The following THSD7B variants were observed in gnomAD, a reference collection of about 807,000 sequenced individuals.
THSD7B encodes thrombospondin type-1 domain-containing protein 7B.
Under a neutral mutation model 213.6 loss-of-function variants are expected in THSD7B, and 138 were observed. The ratio of observed to expected loss-of-function variants is 0.65; its 90% confidence interval spans 0.56 to 0.74. The LOEUF is 0.74. Ranked by LOEUF, THSD7B falls within the 30% of genes least tolerant of loss-of-function variation. The pLI, the probability that THSD7B is intolerant of heterozygous loss-of-function variation, is 0.00. For missense variants in THSD7B, 1,931 were observed against 1,991.5 expected (o/e 0.97, Z 0.58); for synonymous variants, 742 against 687.0 (o/e 1.08, Z -1.25).
chr2:137,020,274 A>G (rs757166183), intron 2 of THSD7B, among the ~76,000 whole-genome samples: 1 of 152,150 alleles, frequency 6.6e-6, no homozygotes. Flanking sequence ...TTCTGAGGGA[A>G]GCAAGTGGAC....
At position 137,237,762 on chromosome 2, in the gene THSD7B, G is replaced by C. The variant is rs142254418; in HGVS notation, c.2150+4629G>C. ...GAAAATGTATGGAAATTGGAAATGT[G>C]ACGATGCATGAAAGGATAGACAATG... On this transcript the variant is annotated intron_variant, in intron 9 of 27. Coordinates refer to ENST00000409968, the MANE Select transcript of THSD7B (RefSeq NM_001316349.2). Among the ~76,000 whole-genome samples, 325 of 152,342 alleles carry C rather than the reference G, an allele frequency of 2.1e-3. 1 individual carries two copies. The highest frequency in any genetic ancestry group is 7.4e-3 in the African/African-American group (308 of 41,566).
intron 12 of THSD7B, among the ~76,000 whole-genome samples, chr2:137,277,429 A>C (rs1275180662): frequency 6.6e-6 from 1 of 152,082 alleles, no homozygotes; most frequent in East Asian, 1.9e-4. Flanking sequence ...GGCAAGTTGC[A>C]CTTTTAGCAT....
chr2:137,441,430 T>G (rs1687409789), intron 14 of THSD7B, among the ~76,000 whole-genome samples: 1 of 152,156 alleles, frequency 6.6e-6, no homozygotes, highest in Admixed American at 6.5e-5. Flanking sequence ...GTCTTCTTAA[T>G]TTAATTTGTG....
intron 15 of THSD7B, among the ~76,000 whole-genome samples, chr2:137,518,932 G>A (rs1022537741): frequency 1.3e-5 from 2 of 152,310 alleles, no homozygotes; most frequent in African/African-American, 4.8e-5. Context: ...CATGGAAAGG[G>A]CAGAGGTTTG....
At chr2:136,944,610 G>C (rs1320165558) in intron 2 of THSD7B, among the ~76,000 whole-genome samples, 1 of 151,764 alleles carries the variant, frequency 6.6e-6, no homozygotes, top group East Asian at 1.9e-4. Flanking sequence ...AGCTCTTCTT[G>C]TTGAATTGAT....
At chr2:137,244,984 AT>A (rs1461335637) in intron 10 of THSD7B, among the ~76,000 whole-genome samples, 1 of 152,100 alleles carries the variant, frequency 6.6e-6, no homozygotes, top group East Asian at 1.9e-4. Context: ...AGAAATTCTG[AT>A]TCAATAACTA....
intron 3 of THSD7B, among the ~76,000 whole-genome samples, chr2:137,062,861 T>C (rs1389027919): frequency 6.6e-6 from 1 of 151,916 alleles, no homozygotes; most frequent in Non-Finnish European, 1.5e-5. Context: ...ATGTTCTTAC[T>C]GATGTTATTC....
intron 12 of THSD7B, among the ~76,000 whole-genome samples, chr2:137,314,075 T>C (rs1389852432): frequency 6.6e-6 from 1 of 152,210 alleles, no homozygotes; most frequent in Non-Finnish European, 1.5e-5. Context: ...TTGGGGAAGT[T>C]CTCCTGGATA....
chr2:137,263,192 C>T (rs1344390643), intron 10 of THSD7B, among the ~76,000 whole-genome samples: 2 of 151,980 alleles, frequency 1.3e-5, no homozygotes, highest in Non-Finnish European at 2.9e-5. Flanking sequence ...CAGATATAAA[C>T]ATGAATTGCT....
At chr2:137,530,570 C>T (rs183184076) in intron 15 of THSD7B, among the ~76,000 whole-genome samples, 9 of 151,936 alleles carry the variant, frequency 5.9e-5, no homozygotes, top group Admixed American at 2.0e-4. Context: ...GCTGTTTTAG[C>T]ACAGCCTGTC....
intron 2 of THSD7B, among the ~76,000 whole-genome samples, chr2:137,047,441 A>G (rs1244752553): frequency 2.6e-5 from 4 of 152,290 alleles, no homozygotes; most frequent in African/African-American, 7.2e-5. Flanking sequence ...TAATGAGGAG[A>G]AAGCGCAGTG....
chr2:137,124,079 C>T (rs887769277), intron 5 of THSD7B, among the ~76,000 whole-genome samples: 9 of 152,190 alleles, frequency 5.9e-5, no homozygotes, highest in African/African-American at 2.2e-4. Context: ...CATACACCTG[C>T]ACTTCATTAA....
chr2:136,956,286 G>A lies in THSD7B; in HGVS notation c.139+73969G>A, dbSNP rs58633674. Among the ~76,000 whole-genome samples the A allele has an allele frequency of 7.0e-3, 1,064 of 152,236 alleles. 60 individuals are homozygous for A. The East Asian group carries it at 0.13, about 19-fold the overall frequency. On this transcript the variant is annotated intron_variant, in intron 2 of 27. Coordinates refer to ENST00000409968, the MANE Select transcript of THSD7B (RefSeq NM_001316349.2). ...AAAATAAATTATTTAGCAGCCTACA[G>A]TGCCAGTTTGGCCCCAAGAGAGAAT...
At chr2:137,170,066 T>A (rs916677102) in intron 6 of THSD7B, among the ~76,000 whole-genome samples, 2 of 152,162 alleles carry the variant, frequency 1.3e-5, no homozygotes, top group Admixed American at 6.5e-5. Flanking sequence ...TGATTTGCAT[T>A]TGTGACTCTC....
At chr2:137,106,421 A>G (rs966275295) in intron 4 of THSD7B, among the ~76,000 whole-genome samples, 1 of 152,198 alleles carries the variant, frequency 6.6e-6, no homozygotes, top group African/African-American at 2.4e-5. Context: ...ACTTAAACAT[A>G]AGACCTAAAA....
intron 24 of THSD7B, among the ~76,000 whole-genome samples, 188 bp downstream of exon 24, chr2:137,657,348 A>C (rs1052762720): frequency 6.6e-6 from 1 of 152,228 alleles, no homozygotes; most frequent in Non-Finnish European, 1.5e-5. Context: ...AAGACCTATA[A>C]AAATATCAAA....
intron 10 of THSD7B, among the ~76,000 whole-genome samples, chr2:137,270,399 C>A (rs1220673378): frequency 6.6e-6 from 1 of 152,108 alleles, no homozygotes; most frequent in Non-Finnish European, 1.5e-5. Context: ...TCCTTAACTT[C>A]CAGTTCAAGG....
intron 12 of THSD7B, among the ~76,000 whole-genome samples, chr2:137,293,071 G>A (rs369388593): frequency 1.3e-5 from 2 of 151,978 alleles, no homozygotes; most frequent in East Asian, 3.9e-4. Flanking sequence ...AAATTGAGTG[G>A]GCCCAGGTGG....
intron 12 of THSD7B, among the ~76,000 whole-genome samples, chr2:137,402,075 C>T (rs1686378996): frequency 6.6e-6 from 1 of 152,244 alleles, no homozygotes; most frequent in South Asian, 2.1e-4. Context: ...TATTTAAAAA[C>T]AAATATAAAG....
Sources: allele counts gnomAD v4.1 joint callset (sites outside exome capture counted in the v4.1 genomes callset), GRCh38; gene constraint gnomAD v4.1.1; transcripts MANE v1.5; gene names NCBI Gene and HGNC (gene_info 2026-07-23, HGNC 2026-07-21).